MGLL: variants seen among roughly 807,000 people sequenced by gnomAD.
MGLL encodes lysophospholipase homolog.
In MGLL, 7 loss-of-function variants were observed where a neutral mutation model predicts 29.1. The ratio of observed to expected loss-of-function variants is 0.24; its 90% CI spans 0.14 to 0.45. MGLL has a LOEUF of 0.45. Ranked by LOEUF, MGLL falls within the 20% of genes least tolerant of loss-of-function variation. The pLI is 0.99. For missense variants in MGLL, 356 were observed against 413.6 expected (o/e 0.86, Z 1.21); for synonymous variants, 148 against 168.3 (o/e 0.88, Z 0.93).
chr3:127,802,447 T>C (rs956801928), intron 2 of MGLL, among the ~76,000 whole-genome samples: 1 of 152,190 alleles, frequency 6.6e-6, no homozygotes, highest in Non-Finnish European at 1.5e-5. Context: ...CATCCTCCTG[T>C]AATCTCCTAC....
chr3:127,716,077 G>C, intron 5 of MGLL: 1 of 335,006 alleles, frequency 3.0e-6, no homozygotes, highest in Non-Finnish European at 5.9e-6. Flanking sequence ...AATTATGCCA[G>C]CTCAACCCAG....
chr3:127,735,928 AG>A, intron 3 of MGLL: 1 of 1,508,326 alleles, frequency 6.6e-7, no homozygotes, highest in Non-Finnish European at 8.8e-7. Flanking sequence ...CTGCACCTTC[AG>A]TTAGAATCCT....
intron 3 of MGLL, among the ~76,000 whole-genome samples, chr3:127,775,644 A>G (rs2077022162): frequency 6.6e-6 from 1 of 152,150 alleles, no homozygotes; most frequent in Non-Finnish European, 1.5e-5. Context: ...ATTTGCAGAT[A>G]ATTAATTCAC....
intron 3 of MGLL, among the ~76,000 whole-genome samples, chr3:127,774,782 C>T (rs1210409924): frequency 1.3e-5 from 2 of 152,138 alleles, no homozygotes; most frequent in African/African-American, 2.4e-5. Context: ...CACAGCAGAC[C>T]AACTGAATCT....
At chr3:127,803,471 G>A (rs927624668) in intron 2 of MGLL, among the ~76,000 whole-genome samples, 3 of 152,178 alleles carry the variant, frequency 2.0e-5, no homozygotes, top group Non-Finnish European at 4.4e-5. Flanking sequence ...CGATGCTGGT[G>A]CACTCACACC....
intron 6 of MGLL, among the ~76,000 whole-genome samples, chr3:127,699,161 G>A (rs1272985231): frequency 2.0e-5 from 3 of 152,226 alleles, no homozygotes; most frequent in Non-Finnish European, 2.9e-5. Context: ...TCACAAGCTG[G>A]CCTCCTGTTG....
At position 127,781,777 on chromosome 3, in the gene MGLL, TG is replaced by T; in HGVS notation, c.262+11del. ...GGCCCAGCCAGCTCTGACGGCACCC[TG>T]GGACACTCACCATGGTCGTGGGCGA... On this transcript the variant is annotated intron_variant, in intron 3 of 7. Coordinates refer to ENST00000265052, the MANE Select transcript of MGLL (RefSeq NM_007283.7). The T allele has an allele frequency of 3.1e-6, 5 of 1,613,670 alleles. No individual in the cohort carries two copies. Among genetic ancestry groups the T allele is most frequent in the Non-Finnish European group, 4.2e-6 (5 of 1,179,622 alleles).
intron 3 of MGLL, among the ~76,000 whole-genome samples, chr3:127,743,915 G>A (rs1366936409): frequency 2.0e-5 from 3 of 152,056 alleles, no homozygotes; most frequent in Non-Finnish European, 2.9e-5. Context: ...ACATGTTTTC[G>A]TCCCCCCGAC....
chr3:127,769,778 G>T (rs910724793), intron 3 of MGLL, among the ~76,000 whole-genome samples: 1 of 152,242 alleles, frequency 6.6e-6, no homozygotes, highest in Non-Finnish European at 1.5e-5. Context: ...AATACTTGCT[G>T]AGTGGAGGGA....
At chr3:127,788,095 T>C (rs911517952) in intron 2 of MGLL, among the ~76,000 whole-genome samples, 4 of 152,170 alleles carry the variant, frequency 2.6e-5, no homozygotes, top group African/African-American at 9.7e-5. Flanking sequence ...ACTTCTCCTT[T>C]GTATAATAAA....
In MGLL at chr3:127,759,335, C is replaced by T. The variant is rs76729127; in HGVS notation, c.262+22454G>A. On this transcript the variant is annotated intron_variant, in intron 3 of 7. Transcript: ENST00000265052. ...GCTCTCAACCCTTCTCTCTGCTATG[C>T]GTGACCCTGGCTAACATCTCCAACC... 5.9e-3 allele frequency among the ~76,000 whole-genome samples: 901 copies of T among 152,282 alleles called. 9 individuals are homozygous for T. The highest frequency in any genetic ancestry group is 0.02 in the African/African-American group (821 of 41,544).
intron 7 of MGLL, among the ~76,000 whole-genome samples, chr3:127,694,289 ATATAT>A (rs1559902068): frequency 1.2e-4 from 10 of 85,692 alleles, no homozygotes; most frequent in South Asian, 3.8e-4. Flanking sequence ...AAAAAAAAAT[ATATAT>A]ATATATATAT....
intron 6 of MGLL, among the ~76,000 whole-genome samples, chr3:127,703,166 A>C (rs761230900): frequency 1.3e-5 from 2 of 152,126 alleles, no homozygotes; most frequent in Non-Finnish European, 2.9e-5. Flanking sequence ...CAAAAAGTCA[A>C]CCTCTTTCTG....
chr3:127,751,128 A>G (rs964917879), intron 3 of MGLL, among the ~76,000 whole-genome samples: 2 of 152,274 alleles, frequency 1.3e-5, no homozygotes, highest in South Asian at 4.1e-4. Flanking sequence ...AAGATCAGAA[A>G]TAGCTCCCAG....
At chr3:127,784,651 C>T (rs572532445) in intron 2 of MGLL, among the ~76,000 whole-genome samples, 25 of 152,250 alleles carry the variant, frequency 1.6e-4, no homozygotes, top group African/African-American at 4.8e-4. Flanking sequence ...CCCCCAGGCC[C>T]GGTCAGCACC....
chr3:127,804,332 G>T (rs561097133), intron 2 of MGLL, among the ~76,000 whole-genome samples: 4 of 152,230 alleles, frequency 2.6e-5, no homozygotes, highest in Non-Finnish European at 5.9e-5. Context: ...GACCAGACCC[G>T]GCTCAAATGT....
At position 127,792,252 on chromosome 3, in the gene MGLL, A is replaced by G. The variant is rs535322823; in HGVS notation, c.156-10357T>C. Among the ~76,000 whole-genome samples the G allele has an allele frequency of 5.9e-5, 9 of 152,284 alleles. No individual in the cohort carries two copies. The East Asian group carries it at 1.7e-3, about 29-fold the overall frequency. ...AGACCAAGACTACAGCCAAAAGTCC[A>G]TTGCTGTGGTCCACACATGCATCTC... On this transcript the variant is annotated intron_variant, in intron 2 of 7. Transcript: ENST00000265052.
intron 3 of MGLL, among the ~76,000 whole-genome samples, chr3:127,747,369 T>A (rs1055879429): frequency 6.6e-6 from 1 of 152,342 alleles, no homozygotes; most frequent in East Asian, 1.9e-4. Context: ...AGCCTTCTCC[T>A]GTGTGTCTAG....
intron 2 of MGLL, 152 bp downstream of exon 2, chr3:127,821,542 T>G: frequency 1.3e-6 from 1 of 777,510 alleles, no homozygotes; most frequent in Non-Finnish European, 2.1e-6. Flanking sequence ...CATTTTAGCT[T>G]TGTTAACATT....
Sources: gnomAD v4.1 joint callset for allele counts (sites outside exome capture counted in the v4.1 genomes callset) on GRCh38, gnomAD v4.1.1 for gene constraint, MANE v1.5 for transcripts, NCBI Gene and HGNC (gene_info 2026-07-23, HGNC 2026-07-21) for gene names.